The following ANKRD45 variants were observed in gnomAD, a reference collection of about 807,000 sequenced individuals.
ANKRD45 encodes ankyrin repeat domain 45, also known as ankyrin repeat domain-containing protein 45.
Under a neutral mutation model 28.1 loss-of-function variants are expected in ANKRD45, and 21 were observed. The observed-to-expected ratio is 0.75, with a 90% CI of 0.53 to 1.08. The LOEUF is 1.08. ANKRD45 is among the 50% of genes least tolerant of loss of function. ANKRD45 has a pLI of 0.00. For synonymous variants in ANKRD45, 86 were observed against 103.9 expected (o/e 0.83, Z 1.05); for missense variants, 261 against 308.7 (o/e 0.85, Z 1.16).
intron 5 of ANKRD45, among the ~76,000 whole-genome samples, chr1:173,613,149 C>T (rs1332651116): frequency 1.3e-5 from 2 of 151,776 alleles, no homozygotes; most frequent in African/African-American, 4.8e-5. Flanking sequence ...AAGTGAGGAG[C>T]GTCTCTGCCC....
chr1:173,613,389 G>A (rs1056032758), intron 5 of ANKRD45, among the ~76,000 whole-genome samples: 5 of 150,982 alleles, frequency 3.3e-5, no homozygotes, highest in Non-Finnish European at 7.4e-5. Flanking sequence ...GAGCCCCTCC[G>A]CCTGGCAGCT....
At chr1:173,701,071 C>T in the ANKRD45 span, among the ~76,000 whole-genome samples, 2 of 152,220 alleles carry the variant, frequency 1.3e-5, no homozygotes, top group African/African-American at 4.8e-5. Context: ...TGAAAAAATG[C>T]TCATCATCAC....
At chr1:173,646,368 G>A (rs988057128) in intron 3 of ANKRD45, among the ~76,000 whole-genome samples, 2 of 152,150 alleles carry the variant, frequency 1.3e-5, no homozygotes, top group African/African-American at 4.8e-5. Context: ...CATGCCGTAA[G>A]GGTAGCTACT....
chr1:173,641,093 C>G (rs985727149), intron 3 of ANKRD45, among the ~76,000 whole-genome samples: 15 of 152,158 alleles, frequency 9.9e-5, no homozygotes, highest in African/African-American at 3.6e-4. Context: ...AATCCCACAC[C>G]AGTTGCTCCT....
At chr1:173,671,642 G>T (rs148737822), upstream of ANKRD45, among the ~76,000 whole-genome samples, 11 of 151,944 alleles carry the variant, frequency 7.2e-5, no homozygotes, top group East Asian at 1.7e-3. Flanking sequence ...AGGCCAAGGC[G>T]GGCGGATCAT....
chr1:173,663,054 AACACACAC>A (rs60072209), intron 1 of ANKRD45, among the ~76,000 whole-genome samples: 26 of 140,312 alleles, frequency 1.9e-4, no homozygotes, highest in Middle Eastern at 3.6e-3. Context: ...CCACCCTTCC[AACACACAC>A]ACACACACAC....
the ANKRD45 span, among the ~76,000 whole-genome samples, chr1:173,705,261 C>A: frequency 4.0e-4 from 60 of 151,836 alleles, no homozygotes; most frequent in Admixed American, 1.3e-3. Context: ...TTAGGGATGG[C>A]TTTTTTCTCT....
chr1:173,699,050 A>G, the ANKRD45 span, among the ~76,000 whole-genome samples: 3 of 152,060 alleles, frequency 2.0e-5, no homozygotes, highest in East Asian at 1.9e-4. Context: ...ACACCTCTAC[A>G]CAAATAAACT....
At chr1:173,616,674 AG>A (rs1263391512) in intron 5 of ANKRD45, among the ~76,000 whole-genome samples, 5 of 152,214 alleles carry the variant, frequency 3.3e-5, no homozygotes, top group Non-Finnish European at 2.9e-5. Flanking sequence ...TTCCCACAGT[AG>A]GTTTTTCCCG....
chr1:173,688,427 T>C, the ANKRD45 span, among the ~76,000 whole-genome samples: 1 of 146,554 alleles, frequency 6.8e-6, no homozygotes, highest in Non-Finnish European at 1.5e-5. Context: ...TCTCTGCCTC[T>C]TCCTCTCTCT....
At chr1:173,635,404 C>T (rs983241545) in intron 3 of ANKRD45, 3 of 788,474 alleles carry the variant, frequency 3.8e-6, no homozygotes, top group Admixed American at 3.0e-5. Context: ...CTAATAGCTC[C>T]TGGTATTTTC....
At chr1:173,621,029 C>A (rs1394920659) in intron 5 of ANKRD45, among the ~76,000 whole-genome samples, 1 of 152,126 alleles carries the variant, frequency 6.6e-6, no homozygotes, top group Non-Finnish European at 1.5e-5. Context: ...ATAAACAATT[C>A]TATGAACATA....
upstream of ANKRD45, among the ~76,000 whole-genome samples, chr1:173,674,811 G>T (rs1670358505): frequency 6.6e-6 from 1 of 152,126 alleles, no homozygotes; most frequent in African/African-American, 2.4e-5. Context: ...TTTCCCTTTA[G>T]CTTAGTGATT....
chr1:173,674,906 T>G, the ANKRD45 span, among the ~76,000 whole-genome samples: 9 of 152,310 alleles, frequency 5.9e-5, no homozygotes, highest in African/African-American at 2.2e-4. Flanking sequence ...AATGAGTCTC[T>G]GGTCTCAGGT....
At chr1:173,627,404 AC>A (rs1214004333) in intron 3 of ANKRD45, among the ~76,000 whole-genome samples, 3 of 152,190 alleles carry the variant, frequency 2.0e-5, no homozygotes, top group Non-Finnish European at 2.9e-5. Context: ...AACTGCCTAC[AC>A]CACACTTCCC....
intron 1 of ANKRD45, among the ~76,000 whole-genome samples, chr1:173,660,616 T>C (rs1669733749): frequency 6.6e-6 from 1 of 152,178 alleles, no homozygotes; most frequent in Non-Finnish European, 1.5e-5. Context: ...CAACAGACTG[T>C]GATTTTGTCT....
At chr1:173,624,554 G>A (rs1193931635) in intron 5 of ANKRD45, among the ~76,000 whole-genome samples, 1 of 151,464 alleles carries the variant, frequency 6.6e-6, no homozygotes, top group Admixed American at 6.6e-5. Flanking sequence ...GACTGATGAT[G>A]GTAATATTAA....
chr1:173,645,071 G>T (rs984350053), intron 3 of ANKRD45, among the ~76,000 whole-genome samples: 1 of 151,854 alleles, frequency 6.6e-6, no homozygotes, highest in Non-Finnish European at 1.5e-5. Flanking sequence ...TGAATTATTT[G>T]CTATTTGTGT....
the ANKRD45 span, among the ~76,000 whole-genome samples, chr1:173,693,970 T>C: frequency 6.6e-6 from 1 of 152,190 alleles, no homozygotes; most frequent in Non-Finnish European, 1.5e-5. Context: ...ATGCCATAGG[T>C]TGCTGGCTAG....
Sources: gnomAD v4.1 joint callset for allele counts (sites outside exome capture counted in the v4.1 genomes callset) on GRCh38, gnomAD v4.1.1 for gene constraint, MANE v1.5 for transcripts, NCBI Gene and HGNC (gene_info 2026-07-23, HGNC 2026-07-21) for gene names.